GARIN1B: variants seen among roughly 807,000 people sequenced by gnomAD.
GARIN1B encodes golgi associated RAB2 interactor 1B, also known as Golgi-associated RAB2 interactor protein 1B.
chr7:128,725,823 A>G, the GARIN1B span, among the ~76,000 whole-genome samples: 1 of 146,286 alleles, frequency 6.8e-6, no homozygotes, highest in Non-Finnish European at 1.5e-5. Flanking sequence ...AAAATTAGAC[A>G]CTGTGCTCCC....
At chr7:128,730,979 A>G in the GARIN1B span, 2 of 931,512 alleles carry the variant, frequency 2.1e-6, no homozygotes, top group East Asian at 2.5e-5. Flanking sequence ...CAACCCTTAT[A>G]AGATACCTAT....
chr7:128,723,929 A>C, the GARIN1B span, among the ~76,000 whole-genome samples: 34,608 of 152,166 alleles, frequency 0.23, 3,990 homozygotes, highest in South Asian at 0.28. Flanking sequence ...TACTATAAAA[A>C]ATGAAAAGTA....
At chr7:128,712,300 T>C in the GARIN1B span, among the ~76,000 whole-genome samples, 1 of 152,184 alleles carries the variant, frequency 6.6e-6, no homozygotes, top group African/African-American at 2.4e-5. Context: ...TCTAGCATAT[T>C]TTCACTGTGG....
At chr7:128,716,285 A>T in the GARIN1B span, among the ~76,000 whole-genome samples, 46 of 152,220 alleles carry the variant, frequency 3.0e-4, no homozygotes, top group Admixed American at 9.8e-4. Flanking sequence ...TGGAAGCGAG[A>T]ATGAACAGCA....
At chr7:128,729,897 T>C in the GARIN1B span, 7 of 1,612,050 alleles carry the variant, frequency 4.3e-6, no homozygotes, top group South Asian at 3.3e-5. Context: ...CTTTACTTGA[T>C]CTAGGGAAAG....
chr7:128,719,025 T>A, the GARIN1B span: 1 of 1,614,096 alleles, frequency 6.2e-7, no homozygotes, highest in East Asian at 2.2e-5. Context: ...GACCCTAGGA[T>A]TCTTGTCACG....
chr7:128,718,169 G>A, the GARIN1B span, among the ~76,000 whole-genome samples: 10 of 152,118 alleles, frequency 6.6e-5, no homozygotes, highest in East Asian at 9.7e-4. Flanking sequence ...GCGGTGGCTC[G>A]TGCCTGTAAT....
At chr7:128,728,339 G>A in the GARIN1B span, among the ~76,000 whole-genome samples, 1 of 152,112 alleles carries the variant, frequency 6.6e-6, no homozygotes, top group African/African-American at 2.4e-5. Flanking sequence ...CTACTCGGGA[G>A]GCTGAGACAG....
chr7:128,730,185 G>A, the GARIN1B span: 22 of 1,208,142 alleles, frequency 1.8e-5, no homozygotes, highest in East Asian at 4.8e-5. Context: ...GGGTGTGGTC[G>A]AGGAATGCTG....
At chr7:128,730,771 T>C in the GARIN1B span, among the ~76,000 whole-genome samples, 2 of 152,072 alleles carry the variant, frequency 1.3e-5, no homozygotes, top group African/African-American at 4.8e-5. Context: ...CTCAGCCTCC[T>C]GAGTAGCTGG....
chr7:128,710,099 G>A, the GARIN1B span, among the ~76,000 whole-genome samples: 1 of 152,074 alleles, frequency 6.6e-6, no homozygotes, highest in African/African-American at 2.4e-5. Context: ...TGTATTGTTT[G>A]TAGAGACAGG....
the GARIN1B span, among the ~76,000 whole-genome samples, chr7:128,720,355 C>T: frequency 6.6e-6 from 1 of 151,886 alleles, no homozygotes; most frequent in Non-Finnish European, 1.5e-5. Flanking sequence ...TGCACCACCA[C>T]ACTCAACTAA....
the GARIN1B span, among the ~76,000 whole-genome samples, chr7:128,721,802 T>A: frequency 6.6e-6 from 1 of 152,218 alleles, no homozygotes; most frequent in East Asian, 1.9e-4. Context: ...TCTTTTCTTT[T>A]TTCATCATGA....
At chr7:128,731,293 G>A in the GARIN1B span, 9 of 678,604 alleles carry the variant, frequency 1.3e-5, no homozygotes. Flanking sequence ...CCTCGCCACT[G>A]CACCTCGGCA....
At chr7:128,711,330 C>G in the GARIN1B span, among the ~76,000 whole-genome samples, 1 of 151,866 alleles carries the variant, frequency 6.6e-6, no homozygotes, top group African/African-American at 2.4e-5. Flanking sequence ...TAAACATCAC[C>G]CCATAGAAGC....
the GARIN1B span, among the ~76,000 whole-genome samples, chr7:128,709,599 G>A: frequency 1.3e-5 from 2 of 152,042 alleles, no homozygotes; most frequent in Non-Finnish European, 2.9e-5. Flanking sequence ...GAGGTCTGAG[G>A]CCAGTATCCT....
At chr7:128,725,094 A>G in the GARIN1B span, 4 of 208,508 alleles carry the variant, frequency 1.9e-5, no homozygotes, top group Admixed American at 2.2e-4. Context: ...CTCAATAAGT[A>G]TTAACTTGTA....
chr7:128,720,533 T>TGTTCATTCCAAA, the GARIN1B span, among the ~76,000 whole-genome samples: 3 of 152,226 alleles, frequency 2.0e-5, no homozygotes, highest in Non-Finnish European at 4.4e-5. Flanking sequence ...AAGAACTCTT[T>TGTTCATTCCAAA]GTTCATTCCA....
the GARIN1B span, chr7:128,724,857 G>C: frequency 3.1e-6 from 4 of 1,289,286 alleles, no homozygotes; most frequent in Non-Finnish European, 4.0e-6. Context: ...ACAGCTTGGA[G>C]GAGGCAAGCG....
Sources: gnomAD v4.1 joint callset for allele counts (sites outside exome capture counted in the v4.1 genomes callset) on GRCh38, gnomAD v4.1.1 for gene constraint, MANE v1.5 for transcripts, NCBI Gene and HGNC (gene_info 2026-07-23, HGNC 2026-07-21) for gene names.